The following KANSL3 variants were observed in gnomAD, a reference collection of about 807,000 sequenced individuals.
KANSL3 encodes the protein NSL complex protein NSL3.
KANSL3 carries 16 observed loss-of-function variants against 89.2 expected under a neutral mutation model. The ratio of observed to expected loss-of-function variants is 0.18; its 90% CI spans 0.12 to 0.27. KANSL3 has a LOEUF of 0.27. Ranked by LOEUF, KANSL3 falls within the 10% of genes least tolerant of loss-of-function variation. The pLI, the probability that KANSL3 is intolerant of heterozygous loss-of-function variation, is 1.00. For synonymous variants in KANSL3, 385 were observed against 419.7 expected (o/e 0.92, Z 1.01); for missense variants, 879 against 1,110.6 (o/e 0.79, Z 2.96).
intron 5 of KANSL3, chr2:96,615,431 T>C (rs2069877363): frequency 2.2e-6 from 2 of 900,572 alleles, no homozygotes; most frequent in Non-Finnish European, 3.1e-6. Context: ...TTTTTTACTA[T>C]CTACCAGAAA....
At position 96,602,770 on chromosome 2, in the gene KANSL3, G is replaced by A. The variant is rs1266412120; in HGVS notation, c.2242C>T (p.Pro748Ser). The A allele has an allele frequency of 1.9e-6, 3 of 1,603,688 alleles. No homozygotes were observed. Among genetic ancestry groups the A allele is most frequent in the Non-Finnish European group, 1.7e-6 (2 of 1,174,664 alleles). The change falls in exon 18 of 21, where the codon CCA becomes TCA. Residue 748 changes from proline to serine, a missense_variant. This residue lies in a region of KANSL3 where 89 missense variants were observed against 139.7 expected (regional missense o/e 0.64). Transcript: ENST00000431828. ...ATGTGCACCTGTGGGGCTGGTCCTG[G>A]GGAGGGATTTGCTGGAAGGCCAGAG... is the stretch of plus-strand genomic sequence containing the variant. ...KTSGLPANPS[P>S]GPAPQATSVK...
At chr2:96,588,592 C>A (rs1467882408), downstream of KANSL3, among the ~76,000 whole-genome samples, 7 of 151,776 alleles carry the variant, frequency 4.6e-5, no homozygotes, top group Non-Finnish European at 1.0e-4. Flanking sequence ...CTTCCCTTTT[C>A]TTTTCTTTTT....
intron 14 of KANSL3, chr2:96,607,129 A>G: frequency 1.1e-6 from 1 of 897,966 alleles, no homozygotes; most frequent in Non-Finnish European, 1.6e-6. Context: ...AAAAGGTTGT[A>G]GAAAATGGCC....
intron 5 of KANSL3, among the ~76,000 whole-genome samples, chr2:96,616,111 G>A (rs995298916): frequency 6.6e-6 from 1 of 151,784 alleles, no homozygotes; most frequent in African/African-American, 2.4e-5. Context: ...AGGCACAGAT[G>A]GACAAAAGTC....
At chr2:96,602,623 C>T in intron 18 of KANSL3, 130 bp downstream of exon 18, 2 of 733,386 alleles carry the variant, frequency 2.7e-6, no homozygotes, top group Non-Finnish European at 2.2e-6. Context: ...TGTAAGTTCC[C>T]TGCTATGTAG....
At chr2:96,623,003 T>C (rs1236812299) in intron 3 of KANSL3, among the ~76,000 whole-genome samples, 1 of 152,216 alleles carries the variant, frequency 6.6e-6, no homozygotes, top group East Asian at 1.9e-4. Flanking sequence ...GCCATACCAC[T>C]ACCTCATATT....
At chr2:96,585,751 G>GTA in the KANSL3 span, among the ~76,000 whole-genome samples, 1 of 151,978 alleles carries the variant, frequency 6.6e-6, no homozygotes, top group Non-Finnish European at 1.5e-5. Flanking sequence ...AAAAAATGTG[G>GTA]TATATATATA....
At chr2:96,602,707 G>C (rs766381262) in intron 18 of KANSL3, 46 bp downstream of exon 18, 1 of 1,471,894 alleles carries the variant, frequency 6.8e-7, no homozygotes, top group Non-Finnish European at 9.2e-7. Context: ...AGCTGAGGAG[G>C]CCTCCTCCCT....
intron 2 of KANSL3, chr2:96,634,215 T>G (rs932304551): frequency 6.6e-6 from 1 of 152,110 alleles, no homozygotes; most frequent in African/African-American, 2.4e-5. Flanking sequence ...CATCTAAAGG[T>G]CTTTCATATT....
chr2:96,589,296 A>C (rs2066259117), downstream of KANSL3, among the ~76,000 whole-genome samples: 1 of 152,244 alleles, frequency 6.6e-6, no homozygotes. Flanking sequence ...CATATGCTAC[A>C]TGCAGTCTAC....
chr2:96,636,763 C>G (rs2074308290), intron 2 of KANSL3, 158 bp downstream of exon 2: 2 of 585,864 alleles, frequency 3.4e-6, no homozygotes, highest in Non-Finnish European at 5.7e-6. Flanking sequence ...TAGCCACATT[C>G]AAGCCTGCTA....
At chr2:96,602,016 G>C (rs937585005) in intron 19 of KANSL3, 100 bp downstream of exon 19, 2 of 1,263,178 alleles carry the variant, frequency 1.6e-6, no homozygotes, top group Non-Finnish European at 2.2e-6. Context: ...GGACCCTGTG[G>C]GACTGGTTTC....
intron 2 of KANSL3, among the ~76,000 whole-genome samples, chr2:96,633,289 G>T (rs1441076074): frequency 6.6e-6 from 1 of 151,984 alleles, no homozygotes; most frequent in Non-Finnish European, 1.5e-5. Context: ...AAATATTCAG[G>T]CTGGGCGTAG....
At chr2:96,627,884 A>T in intron 3 of KANSL3, 1 of 1,286,218 alleles carries the variant, frequency 7.8e-7, no homozygotes, top group Non-Finnish European at 1.0e-6. Context: ...ATAAGTTATC[A>T]TAAATAATAA....
intron 14 of KANSL3, chr2:96,606,819 G>C (rs537337455): frequency 5.4e-6 from 2 of 367,280 alleles, no homozygotes; most frequent in South Asian, 4.3e-5. Context: ...GTAAGCAAAA[G>C]GGGTCAGCAA....
At chr2:96,592,692 T>C (rs2066299245), downstream of KANSL3, among the ~76,000 whole-genome samples, 1 of 152,186 alleles carries the variant, frequency 6.6e-6, no homozygotes, top group Non-Finnish European at 1.5e-5. Flanking sequence ...GCTCTGTGCC[T>C]GTTTCCTCAC....
chr2:96,633,995 A>T (rs2073892898), intron 2 of KANSL3, among the ~76,000 whole-genome samples: 2 of 152,242 alleles, frequency 1.3e-5, no homozygotes, highest in Non-Finnish European at 2.9e-5. Context: ...TATTACAGAG[A>T]GTTCTGTTAA....
intron 3 of KANSL3, chr2:96,628,433 T>C: frequency 4.2e-6 from 1 of 239,306 alleles, no homozygotes; most frequent in Non-Finnish European, 7.8e-6. Context: ...GGCAGACCAC[T>C]TGAGCCAGGA....
In KANSL3 at chr2:96,619,383, A is replaced by G. The variant is rs376404128; in HGVS notation, c.639T>C (p.Asp213=). The change falls in exon 5 of 21, where the codon GAT becomes GAC. Residue 213 remains aspartate (D), a synonymous_variant. Coordinates refer to ENST00000431828, the MANE Select transcript of KANSL3 (RefSeq NM_001115016.3). ...CCTTCCCCTTCAGCGTCTGCAAAGCATCCAGGTAGGCTGCCAGCATGGGCA... is the reference window on the plus strand; with the variant it reads ...CCTTCCCCTTCAGCGTCTGCAAAGCGTCCAGGTAGGCTGCCAGCATGGGCA... ...LSLPMLAAYL[D]ALQTLKGKIP... 1.1e-5 allele frequency: 18 copies of G among 1,613,016 alleles called. No homozygotes were observed. The highest frequency in any genetic ancestry group is 3.3e-5 in the Admixed American group (2 of 59,936).
Sources: allele counts gnomAD v4.1 joint callset (sites outside exome capture counted in the v4.1 genomes callset), GRCh38; gene constraint gnomAD v4.1.1; regional missense constraint gnomAD v4.1.1; transcripts MANE v1.5; gene names NCBI Gene and HGNC (gene_info 2026-07-23, HGNC 2026-07-21).